The following NNMT variants were observed in gnomAD, a reference collection of about 807,000 sequenced individuals.
NNMT encodes the protein nicotinamide N-methyltransferase.
A neutral mutation model predicts 11.7 loss-of-function variants in NNMT; 10 were observed. The ratio of observed to expected loss-of-function variants is 0.85; its 90% CI spans 0.53 to 1.45. The LOEUF (loss-of-function observed/expected upper bound fraction) is 1.45, where lower values mean the gene tolerates loss of function less well. NNMT is among the 40% of genes most tolerant of loss of function. The pLI is 0.00. For missense variants in NNMT, 381 were observed against 319.4 expected, an observed-to-expected ratio of 1.19 and a Z score of -1.47; for synonymous variants, 143 against 133.8, an observed-to-expected ratio of 1.07 and a Z score of -0.48.
At chr11:114,310,033 C>T (rs1341725992) in intron 2 of NNMT, among the ~76,000 whole-genome samples, 10 of 152,194 alleles carry the variant, frequency 6.6e-5, no homozygotes, top group African/African-American at 1.7e-4. Flanking sequence ...CAGAAGTTGA[C>T]GGTTGCATTG....
At position 114,270,790 on chromosome 11, in the gene NNMT, C is replaced by CT. The variant is rs1202687793; in HGVS notation, c.-130+7868dup. Among the ~76,000 whole-genome samples the CT allele has an allele frequency of 1.5e-3, 226 of 145,944 alleles. 3 individuals are homozygous for CT. Among genetic ancestry groups the CT allele is most frequent in the Admixed American group, 7.0e-3 (102 of 14,614 alleles). ...ACCCTAGTTACCTTTTTGTTTAGTT[C>CT]TTTTTTTTTTTTCTCGCTTTGTTGC... On this transcript the variant is annotated intron_variant, in intron 2 of 4. Transcript: ENST00000535401.
intron 2 of NNMT, among the ~76,000 whole-genome samples, chr11:114,273,863 T>C (rs1945191876): frequency 1.3e-5 from 2 of 152,034 alleles, no homozygotes; most frequent in Non-Finnish European, 2.9e-5. Context: ...GAGACCATGT[T>C]ACAGATGGTC....
chr11:114,294,477 C>CA (rs60331768), upstream of NNMT, among the ~76,000 whole-genome samples: 53,647 of 123,390 alleles, frequency 0.43, 12,085 homozygotes, highest in East Asian at 0.57. Context: ...GACTCCACAT[C>CA]AAAAAAAAAA....
rs375222767 is a variant in NNMT, at chr11:114,300,749, C to G, written c.362+2591C>G. ...AGGATTGTTATGTCTTCTTGATGAA[C>G]TGACCACTTTACCATTGTGAAATAT... is the stretch of plus-strand genomic sequence containing the variant. On this transcript the variant is annotated intron_variant, in intron 2 of 2. Coordinates refer to ENST00000299964, the MANE Select transcript of NNMT (RefSeq NM_006169.3). Among the ~76,000 whole-genome samples, 27 of 152,312 alleles carry G rather than the reference C, an allele frequency of 1.8e-4. 1 individual carries two copies. In the South Asian group the frequency reaches 3.7e-3, roughly 21 times the overall value.
chr11:114,270,307 C>T (rs1021597283), intron 2 of NNMT: 1 of 152,142 alleles, frequency 6.6e-6, no homozygotes, highest in African/African-American at 2.4e-5. Flanking sequence ...TCTATATTCT[C>T]ATTTACTTAG....
intron 2 of NNMT, among the ~76,000 whole-genome samples, chr11:114,303,350 A>G (rs1190294935): frequency 2.0e-5 from 3 of 152,156 alleles, no homozygotes; most frequent in African/African-American, 7.2e-5. Context: ...CATCTCTCTT[A>G]CCAGTATTTA....
chr11:114,267,875 C>G (rs1227815862), intron 2 of NNMT, among the ~76,000 whole-genome samples: 1 of 152,194 alleles, frequency 6.6e-6, no homozygotes, highest in Non-Finnish European at 1.5e-5. Context: ...CTCACTCAGT[C>G]TGTATTCAGA....
intron 2 of NNMT, among the ~76,000 whole-genome samples, chr11:114,301,653 A>C (rs1247402499): frequency 3.9e-5 from 6 of 151,988 alleles, no homozygotes; most frequent in Non-Finnish European, 1.5e-5. Context: ...GATTTTTTAG[A>C]GCAGTGAGAC....
At chr11:114,282,531 A>G (rs1056520685) in intron 2 of NNMT, among the ~76,000 whole-genome samples, 12 of 152,188 alleles carry the variant, frequency 7.9e-5, no homozygotes, top group African/African-American at 2.7e-4. Context: ...CTCCTCCCCA[A>G]TTTGCATGTC....
chr11:114,284,282 C>G (rs1309901302), intron 2 of NNMT, among the ~76,000 whole-genome samples: 1 of 152,162 alleles, frequency 6.6e-6, no homozygotes, highest in South Asian at 2.1e-4. Flanking sequence ...GCCAAAGGCC[C>G]TATCACCCTG....
chr11:114,289,541 A>G (rs552943686), intron 2 of NNMT, among the ~76,000 whole-genome samples: 6 of 152,242 alleles, frequency 3.9e-5, no homozygotes, highest in African/African-American at 1.2e-4. Context: ...ATGAGTTTTT[A>G]TATGTAGTAT....
chr11:114,264,290 C>T (rs1283652002), intron 2 of NNMT, among the ~76,000 whole-genome samples: 2 of 152,108 alleles, frequency 1.3e-5, no homozygotes, highest in Non-Finnish European at 2.9e-5. Flanking sequence ...GAGCTGTCTG[C>T]AGACACTGTC....
intron 2 of NNMT, among the ~76,000 whole-genome samples, chr11:114,287,605 C>A (rs572997021): frequency 6.6e-6 from 1 of 152,280 alleles, no homozygotes; most frequent in South Asian, 2.1e-4. Flanking sequence ...GTCTATTTGT[C>A]AATCCTACTA....
chr11:114,298,279 C>T (rs988974089), intron 2 of NNMT, 121 bp downstream of exon 2: 10 of 811,672 alleles, frequency 1.2e-5, no homozygotes, highest in East Asian at 2.6e-5. Context: ...AACGAGAGAG[C>T]GAGAGCAAGA....
intron 2 of NNMT, among the ~76,000 whole-genome samples, chr11:114,272,256 C>T (rs183474568): frequency 6.6e-5 from 10 of 152,138 alleles, no homozygotes; most frequent in Admixed American, 1.3e-4. Flanking sequence ...CAAATCCAGC[C>T]GGAATCTTTT....
At chr11:114,271,375 A>T (rs182643463) in intron 2 of NNMT, among the ~76,000 whole-genome samples, 1 of 152,270 alleles carries the variant, frequency 6.6e-6, no homozygotes, top group Admixed American at 6.5e-5. Flanking sequence ...GGCACTAAGT[A>T]CCACCCACCC....
At chr11:114,265,179 A>T (rs1453602932) in intron 2 of NNMT, among the ~76,000 whole-genome samples, 1 of 152,184 alleles carries the variant, frequency 6.6e-6, no homozygotes, top group Non-Finnish European at 1.5e-5. Context: ...CGCATATGAA[A>T]AGGCACTTTT....
chr11:114,291,722 A>C (rs1015950065), upstream of NNMT, among the ~76,000 whole-genome samples: 8 of 151,924 alleles, frequency 5.3e-5, no homozygotes, highest in Non-Finnish European at 1.0e-4. Flanking sequence ...CTCGTCCTCT[A>C]AGTTTCTAAG....
At chr11:114,283,283 G>A (rs1945275124) in intron 2 of NNMT, among the ~76,000 whole-genome samples, 1 of 152,162 alleles carries the variant, frequency 6.6e-6, no homozygotes, top group African/African-American at 2.4e-5. Flanking sequence ...TCCTGGGGGT[G>A]TGGATAAATA....
Sources: allele counts gnomAD v4.1 joint callset (sites outside exome capture counted in the v4.1 genomes callset), GRCh38; gene constraint gnomAD v4.1.1; transcripts MANE v1.5; gene names NCBI Gene and HGNC (gene_info 2026-07-23, HGNC 2026-07-21).